The following TADA2A variants were observed in gnomAD, a reference collection of about 807,000 sequenced individuals.
The protein encoded by TADA2A is transcriptional adaptor 2A.
In TADA2A, 38 loss-of-function variants were observed where a neutral mutation model predicts 67.4. The observed-to-expected ratio is 0.56, with a 90% CI of 0.44 to 0.74. TADA2A has a LOEUF of 0.74. TADA2A is among the 30% of genes least tolerant of loss of function. The pLI is 0.00. For missense variants in TADA2A, 454 were observed against 547.0 expected (o/e 0.83, Z 1.70); for synonymous variants, 192 against 181.6 (o/e 1.06, Z -0.46).
At position 37,470,478 on chromosome 17, in the gene TADA2A, A is replaced by G; in HGVS notation, c.974A>G (p.Gln325Arg). 6.2e-7 allele frequency: 1 copy of G among 1,612,164 alleles called. No individual in the cohort carries two copies. The highest frequency in any genetic ancestry group is 8.5e-7 in the Non-Finnish European group (1 of 1,179,402). ...LKRTMLSEVL[Q>R]YIQDSSACQQ... is the part of the protein sequence containing the mutation. ...CGCACTATGCTCTCAGAAGTTCTCC[A>G]GTATATCCAGGACAGTAGTGCTTGC... is the stretch of plus-strand genomic sequence containing the variant. The change falls in exon 13 of 16, where the codon CAG becomes CGG. Residue 325 changes from glutamine (Q) to arginine (R), a missense_variant. Coordinates refer to ENST00000615182, the MANE Select transcript of TADA2A (RefSeq NM_001166105.3).
chr17:37,430,335 A>C (rs2052533764), intron 4 of TADA2A, among the ~76,000 whole-genome samples: 1 of 152,144 alleles, frequency 6.6e-6, no homozygotes, highest in South Asian at 2.1e-4. Context: ...ATTCCCAGTG[A>C]ATCTTTCCTT....
chr17:37,458,460 TTTA>T (rs1234695826), intron 8 of TADA2A, 61 bp from the exon 9 acceptor site: 7 of 1,116,542 alleles, frequency 6.3e-6, no homozygotes, highest in Non-Finnish European at 2.3e-6. Context: ...TTGTCTTGGT[TTTA>T]TTTATTTATA....
chr17:37,442,652 G>C lies in TADA2A; in HGVS notation c.531G>C (p.Glu177Asp), dbSNP rs377490313. 3 of 1,612,480 alleles carry C rather than the reference G, an allele frequency of 1.9e-6. No individual in the cohort carries two copies. In the African/African-American group the frequency reaches 4.0e-5, roughly 22 times the overall value. The change falls in exon 7 of 16, where the codon GAG becomes GAC. Residue 177 changes from glutamate (E) to aspartate (D), a missense_variant and splice_region_variant. Glu to Asp is a conservative substitution (Grantham distance 45, BLOSUM62 2). This residue lies in a region of TADA2A where 403 missense variants were observed against 455.5 expected (regional missense o/e 0.88). Coordinates refer to ENST00000615182, the MANE Select transcript of TADA2A (RefSeq NM_001166105.3). ...TGCCAGCTCGAGCAGATTTCATTGA[G>C]GTAGGATAAATGTGTTTTTAGCACA... Reference protein sequence around the residue: ...GYMPARADFIEEFDNYAEWDL... With the variant: ...GYMPARADFIDEFDNYAEWDL...
chr17:37,420,468 C>T (rs1402733895), intron 2 of TADA2A, among the ~76,000 whole-genome samples: 1 of 142,226 alleles, frequency 7.0e-6, no homozygotes, highest in Admixed American at 7.2e-5. Flanking sequence ...TCTCAGCTTA[C>T]TGCAACCTCT....
At chr17:37,472,211 G>T (rs919405364) in intron 14 of TADA2A, among the ~76,000 whole-genome samples, 2 of 151,762 alleles carry the variant, frequency 1.3e-5, no homozygotes, top group Non-Finnish European at 2.9e-5. Flanking sequence ...GATTAGAGGC[G>T]CCTGCCACTA....
intron 4 of TADA2A, 32 bp downstream of exon 4, chr17:37,427,041 A>T (rs1291148427): frequency 6.5e-6 from 10 of 1,543,384 alleles, no homozygotes; most frequent in Non-Finnish European, 8.8e-6. Flanking sequence ...ATTTCTGTTC[A>T]CTTTTTTTAA....
intron 8 of TADA2A, among the ~76,000 whole-genome samples, chr17:37,453,383 C>T (rs962112772): frequency 2.0e-5 from 3 of 152,128 alleles, no homozygotes; most frequent in Non-Finnish European, 4.4e-5. Flanking sequence ...TGTTCTTTTA[C>T]TTGATTGGTC....
At chr17:37,407,734 G>A (rs1375552933) in intron 1 of TADA2A, among the ~76,000 whole-genome samples, 1 of 151,570 alleles carries the variant, frequency 6.6e-6, no homozygotes, top group Non-Finnish European at 1.5e-5. Context: ...TGCCTGAGGC[G>A]TGGGCCACCA....
chr17:37,425,046 AT>A (rs1474961419), intron 3 of TADA2A, among the ~76,000 whole-genome samples: 1 of 151,390 alleles, frequency 6.6e-6, no homozygotes, highest in African/African-American at 2.4e-5. Context: ...TTCCCAGCTA[AT>A]TTTTTATATT....
chr17:37,420,766 A>T lies in TADA2A; in HGVS notation c.26-2743A>T, dbSNP rs72828250. Among the ~76,000 whole-genome samples the T allele has an allele frequency of 3.9e-4, 58 of 146,844 alleles. 9 individuals are homozygous for T. Among genetic ancestry groups the T allele is most frequent in the Non-Finnish European group, 8.2e-4 (54 of 65,732 alleles). ...AAGAGGGAAAGGTACCTTGAAGAAC[A>T]TTTCTTGGACTTTAGGGAGGCAAAT... is the stretch of plus-strand genomic sequence containing the variant. On this transcript the variant is annotated intron_variant, in intron 2 of 15. Coordinates refer to ENST00000615182, the MANE Select transcript of TADA2A (RefSeq NM_001166105.3).
In TADA2A at chr17:37,442,046, C is replaced by A. The variant is rs118045482; in HGVS notation, c.443-518C>A. Among the ~76,000 whole-genome samples, 75 of 152,178 alleles carry A rather than the reference C, an allele frequency of 4.9e-4. No homozygotes were observed. In the East Asian group the frequency reaches 0.014, roughly 29 times the overall value. On this transcript the variant is annotated intron_variant, in intron 6 of 15. Coordinates refer to ENST00000615182, the MANE Select transcript of TADA2A (RefSeq NM_001166105.3). ...AGACCATTTGTTTCCTAACAGCAACCCAGTGAGATAGGCAGAGCAAGTGCT... is the reference window on the plus strand; with the variant it reads ...AGACCATTTGTTTCCTAACAGCAACACAGTGAGATAGGCAGAGCAAGTGCT...
In TADA2A at chr17:37,407,083, G is replaced by A. The variant is rs577437510; in HGVS notation, c.-98+134G>A. The A allele has an allele frequency of 2.0e-3, 294 of 148,030 alleles. 3 individuals are homozygous for A. The highest frequency in any genetic ancestry group is 7.8e-4 in the Non-Finnish European group (52 of 66,406). The allele number at this position is 148,030 out of a possible 1,614,324, so 9.2% of individuals were successfully genotyped here. ...TCGCGGGCTGCGGGCCCCGGCGGCGGGCTTGACGCGGCAGGCTGGCGGGCC... is the reference window on the plus strand; with the variant it reads ...TCGCGGGCTGCGGGCCCCGGCGGCGAGCTTGACGCGGCAGGCTGGCGGGCC... On this transcript the variant is annotated intron_variant, in intron 1 of 15. Transcript: ENST00000615182.
At chr17:37,456,377 A>G (rs189635538) in intron 8 of TADA2A, among the ~76,000 whole-genome samples, 62 of 152,348 alleles carry the variant, frequency 4.1e-4, no homozygotes, top group Non-Finnish European at 1.6e-4. Flanking sequence ...GAGGTGAGTT[A>G]CAGTAAGGCA....
At chr17:37,470,024 CTT>C (rs1361439630) in intron 12 of TADA2A, among the ~76,000 whole-genome samples, 1 of 152,014 alleles carries the variant, frequency 6.6e-6, no homozygotes, top group African/African-American at 2.4e-5. Flanking sequence ...GCTTATAGCA[CTT>C]GTGTGACTTT....
At chr17:37,418,115 A>C (rs904392827) in intron 2 of TADA2A, among the ~76,000 whole-genome samples, 4 of 152,230 alleles carry the variant, frequency 2.6e-5, no homozygotes, top group African/African-American at 9.6e-5. Flanking sequence ...TGAACAAAAC[A>C]AAATACATTC....
At chr17:37,422,642 A>G (rs953733785) in intron 2 of TADA2A, among the ~76,000 whole-genome samples, 3 of 151,904 alleles carry the variant, frequency 2.0e-5, no homozygotes, top group Non-Finnish European at 4.4e-5. Flanking sequence ...AGTAGCTGGG[A>G]TTATAGGCTG....
Position 37,440,543 on chromosome 17 carries a change from A to T in TADA2A, c.323A>T (p.Glu108Val), listed in dbSNP as rs147234139. The T allele has an allele frequency of 1.4e-5, 22 of 1,614,046 alleles. No homozygotes were observed. The highest frequency in any genetic ancestry group is 2.7e-5 in the African/African-American group (2 of 74,916). ...VANQMCTKTKEECEKHYMKHF... is the reference protein window; with the variant it reads ...VANQMCTKTKVECEKHYMKHF... ...AATCAAATGTGCACCAAGACCAAGG[A>T]GGAGTGTGAGAAGCACTATATGAAG... The change falls in exon 6 of 16, where the codon GAG (glutamate) becomes GTG (valine). Residue 108 changes from glutamate to valine, a missense_variant. Glu to Val is a moderately radical substitution (Grantham distance 121). This residue lies in a region of TADA2A where 403 missense variants were observed against 455.5 expected (regional missense o/e 0.88). Coordinates refer to ENST00000615182, the MANE Select transcript of TADA2A (RefSeq NM_001166105.3).
intron 8 of TADA2A, among the ~76,000 whole-genome samples, chr17:37,457,526 T>C (rs2053429570): frequency 7.7e-6 from 1 of 129,808 alleles, no homozygotes; most frequent in Non-Finnish European, 1.6e-5. Flanking sequence ...GAGACGAGTC[T>C]CGCTCTGTTG....
chr17:37,449,079 G>A (rs1407814777), intron 8 of TADA2A, among the ~76,000 whole-genome samples: 1 of 151,826 alleles, frequency 6.6e-6, no homozygotes, highest in African/African-American at 2.4e-5. Context: ...GGAGTGCAGT[G>A]GCGCGATCTT....
Sources: allele counts gnomAD v4.1 joint callset (sites outside exome capture counted in the v4.1 genomes callset), GRCh38; gene constraint gnomAD v4.1.1; regional missense constraint gnomAD v4.1.1; transcripts MANE v1.5; gene names NCBI Gene and HGNC (gene_info 2026-07-23, HGNC 2026-07-21).